Variants in SSBP4 observed in about 807,000 individuals in gnomAD.
The protein encoded by SSBP4 is single-stranded DNA-binding protein 4.
SSBP4 carries 33 observed loss-of-function variants against 64.6 expected under a neutral mutation model. The observed-to-expected ratio is 0.51, with a 90% CI of 0.39 to 0.68. The LOEUF (loss-of-function observed/expected upper bound fraction) is 0.68, where lower values mean the gene tolerates loss of function less well. Among genes scored for constraint, SSBP4 ranks in the 30% least tolerant of loss-of-function variants. SSBP4 has a pLI of 0.00. For missense variants in SSBP4, 583 were observed against 566.8 expected, an observed-to-expected ratio of 1.03 and a Z score of -0.29; for synonymous variants, 243 against 224.0, an observed-to-expected ratio of 1.08 and a Z score of -0.76.
At chr19:18,412,655 C>T in the SSBP4 span, among the ~76,000 whole-genome samples, 102 of 152,142 alleles carry the variant, frequency 6.7e-4, no homozygotes, top group Non-Finnish European at 9.9e-4. Context: ...GTCTCTCACA[C>T]GACACCCTTG....
the SSBP4 span, among the ~76,000 whole-genome samples, chr19:18,413,166 T>TA: frequency 2.7e-5 from 4 of 147,218 alleles, no homozygotes; most frequent in Admixed American, 6.7e-5. Context: ...TTTTTTTTTT[T>TA]AGACGGAGTT....
rs768095454 is a variant in SSBP4, at chr19:18,427,830, T to C, written c.194+17T>C. 4.5e-5 allele frequency: 73 copies of C among 1,612,736 alleles called. No individual in the cohort carries two copies. Among genetic ancestry groups the C allele is most frequent in the Non-Finnish European group, 5.9e-5 (70 of 1,179,068 alleles). ...CTGGTGGTGGTACGGGCTGGGCTGC[T>C]GTGGGTGGGCTGTGGAAGGGGGTTG... On this transcript the variant is annotated intron_variant, in intron 3 of 17. Coordinates refer to ENST00000270061, the MANE Select transcript of SSBP4 (RefSeq NM_032627.5). The surrounding 1 kb of genome is among the most constrained non-coding windows in gnomAD (Gnocchi z 4.4).
intron 4 of SSBP4, among the ~76,000 whole-genome samples, chr19:18,430,561 C>G (rs1460054274): frequency 6.6e-6 from 1 of 152,140 alleles, no homozygotes; most frequent in African/African-American, 2.4e-5. Flanking sequence ...GAGTTGGGGA[C>G]CCAGCTGAGC....
Position 18,423,319 on chromosome 19 carries a change from T to C in SSBP4, c.59+3612T>C, listed in dbSNP as rs73523064. Among the ~76,000 whole-genome samples, 572 of 152,258 alleles carry C rather than the reference T, an allele frequency of 3.8e-3. 3 individuals are homozygous for C. The highest frequency in any genetic ancestry group is 0.012 in the African/African-American group (508 of 41,554). ...GGTAAGCCAGGGATGGGATTCACGA[T>C]TGGACGTGGTCATTTTGGCCCCTGG... is the stretch of plus-strand genomic sequence containing the variant. On this transcript the variant is annotated intron_variant, in intron 1 of 17. Transcript: ENST00000270061. This position sits in a 1 kb window ranked among gnomAD's most constrained non-coding sequence, Gnocchi z 4.0.
chr19:18,417,017 C>T (rs1038005342), upstream of SSBP4, among the ~76,000 whole-genome samples: 1 of 152,146 alleles, frequency 6.6e-6, no homozygotes, highest in African/African-American at 2.4e-5. This position sits in a 1 kb window ranked among gnomAD's most constrained non-coding sequence, Gnocchi z 5.4. Context: ...CCGCCCTCCG[C>T]GCCTCCCCCA....
In SSBP4 at chr19:18,426,459, G is replaced by A. The variant is rs1270225601; in HGVS notation, c.60-892G>A. ...TGAGCAGGGAGCGGCTCAGTTCCAG[G>A]GAGGTCCAGAAGGGCTGGTGCCACA... On this transcript the variant is annotated intron_variant, in intron 1 of 17. Transcript: ENST00000270061. This position sits in a 1 kb window ranked among gnomAD's most constrained non-coding sequence, Gnocchi z 4.5. Among the ~76,000 whole-genome samples the A allele has an allele frequency of 6.6e-6, 1 of 152,200 alleles. No individual in the cohort carries two copies. The highest frequency in any genetic ancestry group is 1.5e-5 in the Non-Finnish European group (1 of 68,012).
In SSBP4 at chr19:18,419,474, C is replaced by T. The variant is rs571565582; in HGVS notation, c.-175C>T. ...CGGCCGGGGCCGGAGCTGGAGCCGC[C>T]GCTGCCGCCGCCGCCGCGGCCGTCT... On this transcript the variant is annotated 5_prime_UTR_variant, in exon 1 of 18. Transcript: ENST00000270061. The T allele has an allele frequency of 8.4e-4, 904 of 1,076,466 alleles. 2 individuals are homozygous for T. Among genetic ancestry groups the T allele is most frequent in the Non-Finnish European group, 7.6e-4 (677 of 889,842 alleles). 66.7% of individuals were successfully genotyped at this position (1,076,466 alleles called of 1,614,324 possible). A position where few individuals can be genotyped will look rare whatever the true frequency, so the allele number is the denominator to read the frequency against.
intron 17 of SSBP4, 139 bp from the exon 18 acceptor site, chr19:18,434,078 C>T (rs1432397028): frequency 1.4e-5 from 19 of 1,359,816 alleles, no homozygotes; most frequent in African/African-American, 1.2e-4. Context: ...CATCGCCCCT[C>T]CCCCGTTCCC....
rs139153451 is a variant in SSBP4, at chr19:18,424,640, C to T, written c.60-2711C>T. 5.2e-4 allele frequency among the ~76,000 whole-genome samples: 79 copies of T among 151,178 alleles called. No homozygotes were observed. The East Asian group carries it at 7.4e-3, about 14-fold the overall frequency. ...GAGCAGCACCTGGAGGGGACTCTGT[C>T]GTAATCCAGGTGGGAGACGGTGGGT... is the stretch of plus-strand genomic sequence containing the variant. On this transcript the variant is annotated intron_variant, in intron 1 of 17. Transcript: ENST00000270061.
At chr19:18,412,072 C>T in the SSBP4 span, among the ~76,000 whole-genome samples, 3 of 151,750 alleles carry the variant, frequency 2.0e-5, no homozygotes, top group South Asian at 2.1e-4. Flanking sequence ...AGCTGAGCTG[C>T]GAGGATCGCT....
At chr19:18,430,442 A>AGGGTG (rs1229976414) in intron 4 of SSBP4, among the ~76,000 whole-genome samples, 1 of 150,240 alleles carries the variant, frequency 6.7e-6, no homozygotes, top group African/African-American at 2.4e-5. Context: ...GACGAAGGGC[A>AGGGTG]GGGTGGGGTG....
chr19:18,419,947 A>G (rs1972316474), intron 1 of SSBP4, among the ~76,000 whole-genome samples: 1 of 144,486 alleles, frequency 6.9e-6, no homozygotes, highest in Non-Finnish European at 1.5e-5. Context: ...GAGGGGCGCT[A>G]GACGGGAGTG....
At chr19:18,418,252 C>T (rs933109717), upstream of SSBP4, among the ~76,000 whole-genome samples, 1 of 152,114 alleles carries the variant, frequency 6.6e-6, no homozygotes, top group Non-Finnish European at 1.5e-5. The surrounding 1 kb of genome is among the most constrained non-coding windows in gnomAD (Gnocchi z 6.7). Context: ...CGCGGGCTTG[C>T]CTAGGAAAAA....
chr19:18,434,241 G>A lies in SSBP4; in HGVS notation c.1153G>A (p.Val385Met), dbSNP rs911478691. The A allele has an allele frequency of 2.5e-6, 4 of 1,611,504 alleles. No individual in the cohort carries two copies. In the African/African-American group the frequency reaches 5.3e-5, roughly 22 times the overall value. ...GTACTCGCCAGGGATGACCATGAGCGTGTGATGGGGCGGCAGCCCCGGGCC... is the reference window on the plus strand; with the variant it reads ...GTACTCGCCAGGGATGACCATGAGCATGTGATGGGGCGGCAGCCCCGGGCC... ...ESYSPGMTMS[V>M] The change falls in exon 18 of 18, where the codon GTG becomes ATG. Residue 385 changes from valine (V) to methionine (M), a missense_variant. Transcript: ENST00000270061.
In SSBP4 at chr19:18,429,240, A is replaced by G. The variant is rs978950370; in HGVS notation, c.279+1258A>G. Reference sequence around the variant, plus strand: ...CCTCTCTCGCCCTCCGAGGCGGGGGAGGGGGGCGGGGGGGGCTCTGTTCGC... The same window carrying G: ...CCTCTCTCGCCCTCCGAGGCGGGGGGGGGGGGCGGGGGGGGCTCTGTTCGC... On this transcript the variant is annotated intron_variant, in intron 4 of 17. Transcript: ENST00000270061. Among the ~76,000 whole-genome samples the G allele has an allele frequency of 4.7e-4, 70 of 148,728 alleles. 1 individual carries two copies. Among genetic ancestry groups the G allele is most frequent in the African/African-American group, 1.5e-3 (62 of 40,292 alleles).
chr19:18,433,601 C>T lies in SSBP4; in HGVS notation c.1008C>T (p.Asp336=), dbSNP rs984191425. ...VNGSLGSGDM[D]GLPKSSPGAV... ...TGTCTGTAGGCTCGGGCGACATGGACGGGTTGCCGAAGGTAAGGAGGCTGC... is the reference window on the plus strand; with the variant it reads ...TGTCTGTAGGCTCGGGCGACATGGATGGGTTGCCGAAGGTAAGGAGGCTGC... The change falls in exon 16 of 18, where the codon GAC becomes GAT. Residue 336 remains aspartate, a synonymous_variant. Transcript: ENST00000270061. 13 of 1,355,686 alleles carry T rather than the reference C, an allele frequency of 9.6e-6. No individual in the cohort carries two copies. The highest frequency in any genetic ancestry group is 4.4e-5 in the East Asian group (1 of 22,598). 84.0% of individuals were successfully genotyped at this position (1,355,686 alleles called of 1,614,324 possible). A position where few individuals can be genotyped will look rare whatever the true frequency, so the allele number is the denominator to read the frequency against.
chr19:18,409,500 T>C, the SSBP4 span, among the ~76,000 whole-genome samples: 1 of 152,162 alleles, frequency 6.6e-6, no homozygotes, highest in Non-Finnish European at 1.5e-5. Flanking sequence ...GCCATTCTTT[T>C]ATTATTTTAC....
At chr19:18,408,069 A>T in the SSBP4 span, among the ~76,000 whole-genome samples, 1 of 152,180 alleles carries the variant, frequency 6.6e-6, no homozygotes, top group Non-Finnish European at 1.5e-5. Context: ...AAATTTTAAA[A>T]GCCACTGAAT....
chr19:18,428,973 GC>G (rs879618909), intron 4 of SSBP4, among the ~76,000 whole-genome samples: 10 of 152,186 alleles, frequency 6.6e-5, no homozygotes, highest in African/African-American at 9.6e-5. Flanking sequence ...CTCTCTGGGC[GC>G]CCCCCGCCGG....
Sources: allele counts gnomAD v4.1 joint callset (sites outside exome capture counted in the v4.1 genomes callset), GRCh38; gene constraint gnomAD v4.1.1; non-coding constraint Gnocchi (gnomAD v3.1); transcripts MANE v1.5; gene names NCBI Gene and HGNC (gene_info 2026-07-23, HGNC 2026-07-21).